POU6F2: variants seen among roughly 807,000 people sequenced by gnomAD.
The protein encoded by POU6F2 is POU domain, class 6, transcription factor 2.
Under a neutral mutation model 71.3 loss-of-function variants are expected in POU6F2, and 31 were observed. The observed-to-expected ratio is 0.43, with a 90% CI of 0.33 to 0.59. The LOEUF (loss-of-function observed/expected upper bound fraction) is 0.59, where lower values mean the gene tolerates loss of function less well. POU6F2 is among the 20% of genes least tolerant of loss of function. The probability of loss-of-function intolerance (pLI) is 0.04; values close to 1 mark genes in which losing one functional copy is unlikely to be tolerated. For synonymous variants in POU6F2, 347 were observed against 355.7 expected (o/e 0.98, Z 0.27); for missense variants, 783 against 856.8 (o/e 0.91, Z 1.07).
chr7:39,258,712 A>G (rs549966441), intron 4 of POU6F2, among the ~76,000 whole-genome samples: 49 of 151,836 alleles, frequency 3.2e-4, no homozygotes, highest in South Asian at 8.4e-4. Context: ...AAAAAAAAAA[A>G]AAGAAGAAGA....
At chr7:39,172,602 G>T (rs1032098914) in intron 2 of POU6F2, among the ~76,000 whole-genome samples, 6 of 138,236 alleles carry the variant, frequency 4.3e-5, no homozygotes, top group African/African-American at 1.6e-4. Context: ...ATTATCAGAG[G>T]CCTGACTCTT....
At chr7:39,198,358 T>C (rs188935988) in intron 2 of POU6F2, among the ~76,000 whole-genome samples, 2 of 152,338 alleles carry the variant, frequency 1.3e-5, no homozygotes, top group Admixed American at 6.5e-5. Flanking sequence ...TTTTTGTAGT[T>C]TATCTAACTG....
intron 1 of POU6F2, among the ~76,000 whole-genome samples, chr7:39,003,173 A>G (rs1454015226): frequency 2.0e-5 from 3 of 152,214 alleles, no homozygotes; most frequent in African/African-American, 7.2e-5. Flanking sequence ...ATATTTATGG[A>G]TGTGTACAAA....
chr7:39,164,518 C>G (rs1793070949), intron 2 of POU6F2, among the ~76,000 whole-genome samples: 1 of 150,816 alleles, frequency 6.6e-6, no homozygotes, highest in Non-Finnish European at 1.5e-5. Context: ...TGGAAGGTCC[C>G]CATTAGCAAT....
chr7:39,068,008 T>C (rs1790796519), intron 1 of POU6F2, among the ~76,000 whole-genome samples: 1 of 152,216 alleles, frequency 6.6e-6, no homozygotes, highest in South Asian at 2.1e-4. Flanking sequence ...TTTTAACCCG[T>C]AATTTCACTC....
In POU6F2 at chr7:39,339,913, C is replaced by A; in HGVS notation, c.870C>A (p.Asn290Lys). The A allele has an allele frequency of 6.2e-7, 1 of 1,613,954 alleles. No homozygotes were observed. Among genetic ancestry groups the A allele is most frequent in the Non-Finnish European group, 8.5e-7 (1 of 1,179,888 alleles). The change falls in exon 5 of 10, where the codon AAC becomes AAA. Residue 290 changes from asparagine (N) to lysine (K), a missense_variant. Asn to Lys is a moderately conservative substitution (Grantham distance 94). Coordinates refer to ENST00000518318, the MANE Select transcript of POU6F2 (RefSeq NM_001370959.1). ...CCCACTCCCACTCCCAGAACCAGAACCAACCATCTCCAACCCAGCAGAGCT... is the reference window on the plus strand; with the variant it reads ...CCCACTCCCACTCCCAGAACCAGAAACAACCATCTCCAACCCAGCAGAGCT... Reference protein sequence around the residue: ...HQPHSHSQNQNQPSPTQQSSS... With the variant: ...HQPHSHSQNQKQPSPTQQSSS...
intron 6 of POU6F2, among the ~76,000 whole-genome samples, chr7:39,419,210 G>T (rs190455870): frequency 6.7e-6 from 1 of 148,618 alleles, no homozygotes; most frequent in Admixed American, 6.8e-5. Flanking sequence ...CCCACTCAGG[G>T]TGGCTGATCT....
chr7:39,352,935 A>G (rs1246410782), intron 5 of POU6F2, among the ~76,000 whole-genome samples: 1 of 152,140 alleles, frequency 6.6e-6, no homozygotes, highest in African/African-American at 2.4e-5. Flanking sequence ...CTAGAGTCTC[A>G]TGTTCCCCCC....
At chr7:39,337,952 C>T (rs147823627) in intron 4 of POU6F2, among the ~76,000 whole-genome samples, 32 of 152,302 alleles carry the variant, frequency 2.1e-4, no homozygotes, top group African/African-American at 7.0e-4. Context: ...TGTACCTACC[C>T]GTCTGCCAAC....
chr7:39,214,915 C>G lies in POU6F2; in HGVS notation c.598+7295C>G, dbSNP rs143341291. Reference sequence around the variant, plus strand: ...TTTGCCTGTGTGTGAGCGTGGCCATCATAGAGCCTGAAATGTTAGAGATGA... The same window carrying G: ...TTTGCCTGTGTGTGAGCGTGGCCATGATAGAGCCTGAAATGTTAGAGATGA... On this transcript the variant is annotated intron_variant, in intron 4 of 9. Transcript: ENST00000518318. Among the ~76,000 whole-genome samples, 15 of 152,278 alleles carry G rather than the reference C, an allele frequency of 9.9e-5. No individual in the cohort carries two copies. In the East Asian group the frequency reaches 2.7e-3, roughly 27 times the overall value.
intron 2 of POU6F2, among the ~76,000 whole-genome samples, chr7:39,117,430 C>A (rs1791954531): frequency 6.6e-6 from 1 of 152,126 alleles, no homozygotes; most frequent in African/African-American, 2.4e-5. Flanking sequence ...ATGCATTTTT[C>A]TTCACTGTCT....
intron 4 of POU6F2, among the ~76,000 whole-genome samples, chr7:39,283,319 C>T (rs1784595706): frequency 6.6e-6 from 1 of 151,996 alleles, no homozygotes; most frequent in South Asian, 2.1e-4. Context: ...ATATTTCAGT[C>T]GTACTAAGTA....
chr7:39,003,958 G>T (rs888020955), intron 1 of POU6F2, among the ~76,000 whole-genome samples: 3 of 152,166 alleles, frequency 2.0e-5, no homozygotes, highest in Middle Eastern at 3.4e-3. Context: ...CAAACTTTCG[G>T]CAGTGATAAT....
At chr7:39,019,421 T>C (rs978246804) in intron 1 of POU6F2, among the ~76,000 whole-genome samples, 2 of 152,146 alleles carry the variant, frequency 1.3e-5, no homozygotes, top group Non-Finnish European at 2.9e-5. Flanking sequence ...CTTAGATTTT[T>C]TTTCCTCCAT....
intron 7 of POU6F2, among the ~76,000 whole-genome samples, chr7:39,443,291 C>T (rs1421690579): frequency 3.9e-5 from 6 of 152,222 alleles, no homozygotes; most frequent in Admixed American, 3.9e-4. Flanking sequence ...TCAGCTACAA[C>T]CAGCATCCCA....
chr7:39,137,123 G>C (rs1382293914), intron 2 of POU6F2, among the ~76,000 whole-genome samples: 1 of 151,052 alleles, frequency 6.6e-6, no homozygotes, highest in Non-Finnish European at 1.5e-5. Context: ...TATATTATCA[G>C]AAAGCTAAAA....
Position 39,019,416 on chromosome 7 carries a change from A to AT in POU6F2, c.105+41366dup, listed in dbSNP as rs753320730. Among the ~76,000 whole-genome samples, 182 of 151,930 alleles carry AT rather than the reference A, an allele frequency of 1.2e-3. 1 individual carries two copies. The highest frequency in any genetic ancestry group is 1.9e-3 in the Admixed American group (29 of 15,240). On this transcript the variant is annotated intron_variant, in intron 1 of 9. Coordinates refer to ENST00000518318, the MANE Select transcript of POU6F2 (RefSeq NM_001370959.1). ...CGAAATTTTATAAGAATGTTCTTAG[A>AT]TTTTTTTTCCTCCATTTTTTTCTGC...
intron 1 of POU6F2, among the ~76,000 whole-genome samples, chr7:39,072,174 A>G (rs1459162859): frequency 6.6e-6 from 1 of 152,146 alleles, no homozygotes; most frequent in Admixed American, 6.5e-5. Context: ...CTTTTCAGGC[A>G]AAGTGCATGC....
chr7:39,167,069 T>A (rs2128738061), intron 2 of POU6F2, among the ~76,000 whole-genome samples: 1 of 152,300 alleles, frequency 6.6e-6, no homozygotes, highest in East Asian at 1.9e-4. Flanking sequence ...TTAGAATAGT[T>A]TGATTTAAAT....
Sources: allele counts gnomAD v4.1 joint callset (sites outside exome capture counted in the v4.1 genomes callset), GRCh38; gene constraint gnomAD v4.1.1; transcripts MANE v1.5; gene names NCBI Gene and HGNC (gene_info 2026-07-23, HGNC 2026-07-21).